The following MICU1 variants were observed in gnomAD, a reference collection of about 807,000 sequenced individuals.
The protein encoded by MICU1 is calcium uptake protein 1, mitochondrial.
A neutral mutation model predicts 56.8 loss-of-function variants in MICU1; 45 were observed. The observed-to-expected ratio is 0.79, with a 90% confidence interval of 0.62 to 1.02. The LOEUF (loss-of-function observed/expected upper bound fraction) is 1.02, where lower values mean the gene tolerates loss of function less well. Among genes scored for constraint, MICU1 ranks in the 50% least tolerant of loss-of-function variants. MICU1 has a pLI of 0.00. For missense variants in MICU1, 504 were observed against 587.1 expected (o/e 0.86, Z 1.46); for synonymous variants, 186 against 195.1 (o/e 0.95, Z 0.39).
intron 1 of MICU1, among the ~76,000 whole-genome samples, chr10:72,594,579 T>G (rs1485260498): frequency 6.6e-6 from 1 of 151,910 alleles, no homozygotes; most frequent in South Asian, 2.1e-4. Flanking sequence ...ATTTAAAAAT[T>G]TATCCATCAA....
chr10:72,514,341 CT>C (rs201761000), intron 5 of MICU1, among the ~76,000 whole-genome samples: 18 of 148,956 alleles, frequency 1.2e-4, no homozygotes, highest in South Asian at 2.1e-4. Flanking sequence ...CTCCCTATTT[CT>C]TTTTTTTTTC....
At position 72,475,252 on chromosome 10, in the gene MICU1, T is replaced by G; in HGVS notation, c.781A>C (p.Arg261=). 6.2e-7 allele frequency: 1 copy of G among 1,609,820 alleles called. No individual in the cohort carries two copies. Among genetic ancestry groups the G allele is most frequent in the Non-Finnish European group, 8.5e-7 (1 of 1,177,846 alleles). Residue 261 remains arginine, a synonymous_variant, in exon 8 of 12, where the codon AGA becomes CGA. Transcript: ENST00000361114. ...RSQTSMGMRH[R]DRPTTGNTLK... ...GTGTTGCCAGTAGTTGGACGATCTCTGTGGCGCATACCCATACTGGTTTGG... is the reference window on the plus strand; with the variant it reads ...GTGTTGCCAGTAGTTGGACGATCTCGGTGGCGCATACCCATACTGGTTTGG...
intron 4 of MICU1, among the ~76,000 whole-genome samples, chr10:72,536,991 T>C (rs2132417639): frequency 6.6e-6 from 1 of 152,248 alleles, no homozygotes; most frequent in African/African-American, 2.4e-5. Flanking sequence ...TTCTGTGACA[T>C]GAACTGTGAA....
intron 3 of MICU1, among the ~76,000 whole-genome samples, 185 bp from the exon 4 acceptor site, chr10:72,551,526 T>C (rs1840035502): frequency 6.6e-6 from 1 of 152,208 alleles, no homozygotes; most frequent in African/African-American, 2.4e-5. Flanking sequence ...TTAATATTCT[T>C]GGAATTTTTT....
chr10:72,612,011 CAAAA>C (rs55767300), intron 1 of MICU1, among the ~76,000 whole-genome samples: 15 of 119,936 alleles, frequency 1.3e-4, no homozygotes, highest in African/African-American at 4.0e-4. Flanking sequence ...ACCAACCAAC[CAAAA>C]AAAAAAAAAA....
At chr10:72,401,150 G>C (rs1863441482) in intron 10 of MICU1, among the ~76,000 whole-genome samples, 1 of 151,992 alleles carries the variant, frequency 6.6e-6, no homozygotes, top group South Asian at 2.1e-4. Context: ...AAGTTATATG[G>C]ATTAATAAAA....
At position 72,572,012 on chromosome 10, in the gene MICU1, T is replaced by TA. The variant is rs567595390; in HGVS notation, c.-1-5219dup. ...ATAACAACAACACTAGGTACTATGG[T>TA]AAAAAAAAAAAAACAAACACTAAGT... On this transcript the variant is annotated intron_variant, in intron 1 of 11. Transcript: ENST00000361114. Among the ~76,000 whole-genome samples the TA allele has an allele frequency of 5.7e-3, 785 of 138,674 alleles. 3 individuals carry two copies. The highest frequency in any genetic ancestry group is 8.9e-3 in the Admixed American group (124 of 13,868). 91.0% of individuals were successfully genotyped at this position (138,674 alleles called of 152,430 possible).
chr10:72,386,118 A>G (rs953702036), intron 10 of MICU1, among the ~76,000 whole-genome samples: 1 of 152,200 alleles, frequency 6.6e-6, no homozygotes, highest in Non-Finnish European at 1.5e-5. Context: ...GAACCCAGCT[A>G]TGCTGTGCCA....
rs1253042924 is a variant in MICU1 at position 72,566,807 on chromosome 10, A to C, written c.-1-13T>G. ...CAGACGAAACATCCTGTGGACAATAAGTAGAAATGTCACTCTTAGCTAGTG... is the reference window on the plus strand; with the variant it reads ...CAGACGAAACATCCTGTGGACAATACGTAGAAATGTCACTCTTAGCTAGTG... On this transcript the variant is annotated splice_polypyrimidine_tract_variant and intron_variant, in intron 1 of 11. Coordinates refer to ENST00000361114, the MANE Select transcript of MICU1 (RefSeq NM_001195518.2). 1 of 1,599,930 alleles carries C rather than the reference A, an allele frequency of 6.3e-7. No individual in the cohort carries two copies. The highest frequency in any genetic ancestry group is 1.8e-5 in the Admixed American group (1 of 57,040).
chr10:72,532,501 T>C (rs1839514752), intron 5 of MICU1, among the ~76,000 whole-genome samples: 1 of 152,046 alleles, frequency 6.6e-6, no homozygotes, highest in Non-Finnish European at 1.5e-5. Flanking sequence ...CAAAAACAGG[T>C]AAGATAGGGA....
chr10:72,535,122 T>A (rs2132413749), intron 4 of MICU1, among the ~76,000 whole-genome samples: 1 of 151,634 alleles, frequency 6.6e-6, no homozygotes, highest in East Asian at 1.9e-4. Flanking sequence ...CTCCACCTCC[T>A]GGGTTCAAGT....
chr10:72,559,683 A>G (rs1840244534), intron 3 of MICU1, among the ~76,000 whole-genome samples: 1 of 152,132 alleles, frequency 6.6e-6, no homozygotes, highest in Admixed American at 6.6e-5. Flanking sequence ...TTTAAATAAA[A>G]TTTTTAAAAA....
intron 1 of MICU1, among the ~76,000 whole-genome samples, chr10:72,589,052 C>T (rs1411327152): frequency 6.6e-6 from 1 of 152,138 alleles, no homozygotes; most frequent in African/African-American, 2.4e-5. Flanking sequence ...CTTTGGGAGG[C>T]CGAGGTGGGT....
chr10:72,556,877 CA>C (rs979474214), intron 3 of MICU1, among the ~76,000 whole-genome samples: 2 of 151,516 alleles, frequency 1.3e-5, no homozygotes, highest in Non-Finnish European at 2.9e-5. Flanking sequence ...CCAGCCTGGC[CA>C]AAATGGTGAA....
intron 8 of MICU1, among the ~76,000 whole-genome samples, chr10:72,435,977 C>T (rs1384030083): frequency 1.3e-5 from 2 of 152,234 alleles, no homozygotes; most frequent in East Asian, 3.8e-4. Flanking sequence ...TGAACAAAAG[C>T]CAGCAGACAA....
chr10:72,376,149 G>T (rs947049940), intron 10 of MICU1, among the ~76,000 whole-genome samples: 3 of 151,720 alleles, frequency 2.0e-5, no homozygotes, highest in African/African-American at 7.3e-5. Context: ...AAAATTAGCC[G>T]GTGCCTGTAA....
At chr10:72,519,831 T>A (rs1867764499) in intron 5 of MICU1, among the ~76,000 whole-genome samples, 2 of 152,292 alleles carry the variant, frequency 1.3e-5, no homozygotes, top group Admixed American at 6.5e-5. Flanking sequence ...TTAAAAAAAC[T>A]TTTTCTAGTT....
chr10:72,392,785 T>C (rs571027337), intron 10 of MICU1, among the ~76,000 whole-genome samples: 2 of 152,226 alleles, frequency 1.3e-5, no homozygotes, highest in Non-Finnish European at 1.5e-5. Context: ...CTGTCATTCA[T>C]GTAGAACTCA....
chr10:72,421,229 C>T (rs548786731), intron 9 of MICU1, among the ~76,000 whole-genome samples: 8 of 151,526 alleles, frequency 5.3e-5, no homozygotes, highest in African/African-American at 1.7e-4. Flanking sequence ...CTGATTCAGT[C>T]CTATCATCTT....
Sources: gnomAD v4.1 joint callset for allele counts (sites outside exome capture counted in the v4.1 genomes callset) on GRCh38, gnomAD v4.1.1 for gene constraint, MANE v1.5 for transcripts, NCBI Gene and HGNC (gene_info 2026-07-23, HGNC 2026-07-21) for gene names.